The following DTX2 variants were observed in gnomAD, a reference collection of about 807,000 sequenced individuals.
The protein encoded by DTX2 is probable E3 ubiquitin-protein ligase DTX2.
DTX2 carries 29 observed loss-of-function variants against 55.3 expected under a neutral mutation model. That is an observed-to-expected ratio of 0.52 (90% CI 0.39 to 0.71). The LOEUF (loss-of-function observed/expected upper bound fraction) is 0.71, where lower values mean the gene tolerates loss of function less well. Ranked by LOEUF, DTX2 falls within the 30% of genes least tolerant of loss-of-function variation. The probability of loss-of-function intolerance (pLI) is 0.00; values close to 1 mark genes in which losing one functional copy is unlikely to be tolerated. For synonymous variants in DTX2, 276 were observed against 340.4 expected (o/e 0.81, Z 2.08); for missense variants, 537 against 822.5 (o/e 0.65, Z 4.25).
At chr7:76,478,990 C>A (rs1808855456) in intron 2 of DTX2, 1 of 132,142 alleles carries the variant, frequency 7.6e-6, no homozygotes, top group African/African-American at 3.1e-5. Context: ...AGAACACTCA[C>A]CACGTGGCAT....
At position 76,482,887 on chromosome 7, in the gene DTX2, C is replaced by T. The variant is rs749409113; in HGVS notation, c.648C>T (p.His216=). The T allele has an allele frequency of 4.8e-5, 77 of 1,613,776 alleles. No individual in the cohort carries two copies. Among genetic ancestry groups the T allele is most frequent in the Non-Finnish European group, 6.4e-5 (75 of 1,179,790 alleles). The change falls in exon 4 of 11, where the codon CAC becomes CAT. Residue 216 remains histidine (H), a synonymous_variant. Transcript: ENST00000430490. ...RTGPVSGRYR[H]SMTNLPAYPV... ...GCCCCGTGTCAGGCCGCTACCGCCA[C>T]TCCATGACCAACCTCCCTGCATACC...
intron 2 of DTX2, among the ~76,000 whole-genome samples, chr7:76,469,011 C>T (rs905205190): frequency 8.6e-6 from 1 of 116,074 alleles, no homozygotes; most frequent in Non-Finnish European, 1.8e-5. Flanking sequence ...ATGATCCACC[C>T]ACCTCAGCCT....
chr7:76,477,040 C>T (rs1359164563), intron 2 of DTX2: 7 of 151,460 alleles, frequency 4.6e-5, no homozygotes, highest in African/African-American at 1.5e-4. Flanking sequence ...CGTGGCTGCC[C>T]GAGAGATGCG....
chr7:76,501,122 G>C (rs1300836415), intron 7 of DTX2: 1 of 367,314 alleles, frequency 2.7e-6, no homozygotes, highest in Non-Finnish European at 5.3e-6. Context: ...CCTGATTTTA[G>C]CTGGGAGCCC....
chr7:76,505,359 C>G lies in DTX2; in HGVS notation c.1642-15C>G, dbSNP rs374855456. ...CGTCCCCTCCTTCCTCTTCCCCCTC[C>G]TCCTCCCCGGGCAGGTCCTAGAGCT... is the stretch of plus-strand genomic sequence containing the variant. On this transcript the variant is annotated splice_polypyrimidine_tract_variant and intron_variant, in intron 10 of 10. Coordinates refer to ENST00000430490, the MANE Select transcript of DTX2 (RefSeq NM_001102594.3). This position sits in a 1 kb window ranked among gnomAD's most constrained non-coding sequence, Gnocchi z 4.4. 2,621 of 1,557,880 alleles carry G rather than the reference C, an allele frequency of 1.7e-3. 8 individuals carry two copies. The highest frequency in any genetic ancestry group is 2.2e-3 in the Non-Finnish European group (2,517 of 1,150,210).
At chr7:76,468,244 A>G (rs979930385) in intron 2 of DTX2, among the ~76,000 whole-genome samples, 1 of 152,102 alleles carries the variant, frequency 6.6e-6, no homozygotes, top group Non-Finnish European at 1.5e-5. Flanking sequence ...TGTTGGGCAA[A>G]GGCTGACATG....
chr7:76,495,066 T>TGCATA (rs1810783061), intron 5 of DTX2, among the ~76,000 whole-genome samples: 1 of 148,604 alleles, frequency 6.7e-6, no homozygotes, highest in South Asian at 2.2e-4. Context: ...CCCCTGGCTG[T>TGCATA]GGCATAGCCC....
chr7:76,469,396 T>C (rs1807618094), intron 2 of DTX2, among the ~76,000 whole-genome samples: 1 of 32,798 alleles, frequency 3.0e-5, no homozygotes, highest in Non-Finnish European at 5.9e-5. Context: ...GAATATTCCT[T>C]TTTTTTTTTT....
chr7:76,477,725 G>A (rs1808703097), intron 2 of DTX2, among the ~76,000 whole-genome samples: 1 of 135,772 alleles, frequency 7.4e-6, no homozygotes, highest in Non-Finnish European at 1.6e-5. Flanking sequence ...TTTAGCCCAG[G>A]AGACCATGGG....
intron 2 of DTX2, among the ~76,000 whole-genome samples, chr7:76,472,851 A>G (rs1183528338): frequency 6.6e-6 from 1 of 152,236 alleles, no homozygotes; most frequent in Non-Finnish European, 1.5e-5. Flanking sequence ...CTTCTGTTTT[A>G]TGTAATAGAG....
intron 1 of DTX2, among the ~76,000 whole-genome samples, chr7:76,462,791 C>T (rs1806740235): frequency 1.2e-4 from 1 of 8,364 alleles, no homozygotes; most frequent in African/African-American, 7.5e-4. Context: ...TCAGGCCAGG[C>T]ACGGTGGCTC....
chr7:76,465,756 T>G (rs1180232762), intron 2 of DTX2, among the ~76,000 whole-genome samples: 4 of 150,086 alleles, frequency 2.7e-5, no homozygotes, highest in African/African-American at 9.9e-5. Flanking sequence ...AATTTTTGTA[T>G]TTTTAGTAGA....
Position 76,501,215 on chromosome 7 carries a change from G to A in DTX2, c.1230+695G>A, listed in dbSNP as rs1429573646. The A allele has an allele frequency of 8.3e-5, 37 of 445,836 alleles. 1 individual carries two copies. Among genetic ancestry groups the A allele is most frequent in the South Asian group, 5.7e-4 (36 of 63,034 alleles). 27.6% of individuals were successfully genotyped at this position (445,836 alleles called of 1,614,324 possible). ...ATCTTCAGATACTTGGGGGCGGGTG[G>A]AAGGCCAGGAGCCCCAGTACCCAGG... On this transcript the variant is annotated intron_variant, in intron 7 of 10. Transcript: ENST00000430490.
chr7:76,474,820 GAA>G (rs1808361729), intron 2 of DTX2: 1 of 151,920 alleles, frequency 6.6e-6, no homozygotes, highest in South Asian at 2.1e-4. Flanking sequence ...CTGGAGACTA[GAA>G]AGACTTTTGG....
intron 2 of DTX2, among the ~76,000 whole-genome samples, chr7:76,468,827 G>T (rs1807511667): frequency 7.6e-6 from 1 of 131,324 alleles, no homozygotes; most frequent in Admixed American, 8.0e-5. Flanking sequence ...CAGTGGCACA[G>T]TCTCGGCTCA....
intron 2 of DTX2, among the ~76,000 whole-genome samples, chr7:76,479,616 C>T (rs561664014): frequency 7.9e-6 from 1 of 125,904 alleles, no homozygotes; most frequent in East Asian, 2.6e-4. Context: ...CCCGTCTCTA[C>T]TAAAAATACA....
intron 7 of DTX2, among the ~76,000 whole-genome samples, chr7:76,501,582 G>A (rs1202499910): frequency 5.9e-5 from 9 of 151,292 alleles, no homozygotes; most frequent in African/African-American, 1.7e-4. Context: ...CCCCGAGGGC[G>A]CGCCTCTCCC....
At chr7:76,476,370 TC>T (rs1486490003) in intron 2 of DTX2, among the ~76,000 whole-genome samples, 7 of 141,180 alleles carry the variant, frequency 5.0e-5, no homozygotes, top group Non-Finnish European at 6.1e-5. Context: ...AGTGGGCGTT[TC>T]TGGGCAGTGA....
chr7:76,475,200 A>G (rs1255624805), intron 2 of DTX2, among the ~76,000 whole-genome samples: 2 of 151,600 alleles, frequency 1.3e-5, no homozygotes, highest in Non-Finnish European at 2.9e-5. Context: ...AATCCCAGCT[A>G]CTTGGAAGGC....
Sources: gnomAD v4.1 joint callset for allele counts (sites outside exome capture counted in the v4.1 genomes callset) on GRCh38, gnomAD v4.1.1 for gene constraint, Gnocchi (gnomAD v3.1) non-coding constraint, MANE v1.5 for transcripts, NCBI Gene and HGNC (gene_info 2026-07-23, HGNC 2026-07-21) for gene names.